WDFY3: variants seen among roughly 807,000 people sequenced by gnomAD.
WDFY3 encodes WD repeat and FYVE domain-containing protein 3.
Under a neutral mutation model 409.6 loss-of-function variants are expected in WDFY3, and 66 were observed. That is an observed-to-expected ratio of 0.16 (90% CI 0.13 to 0.20). The LOEUF (loss-of-function observed/expected upper bound fraction) is 0.20. Among genes scored for constraint, WDFY3 ranks in the 10% least tolerant of loss-of-function variants. The pLI, the probability that WDFY3 is intolerant of heterozygous loss-of-function variation, is 1.00. For synonymous variants in WDFY3, 1,521 were observed against 1,537.1 expected (o/e 0.99, Z 0.25); for missense variants, 3,031 against 4,298.1 (o/e 0.71, Z 8.24).
At chr4:84,689,041 C>T (rs1157394679) in intron 61 of WDFY3, among the ~76,000 whole-genome samples, 3 of 152,256 alleles carry the variant, frequency 2.0e-5, no homozygotes, top group East Asian at 1.9e-4. Flanking sequence ...AAAATATATC[C>T]GCTTAATAAT....
chr4:84,793,362 T>C (rs1433663004), intron 21 of WDFY3, among the ~76,000 whole-genome samples: 2 of 152,196 alleles, frequency 1.3e-5, no homozygotes, highest in East Asian at 1.9e-4. Context: ...TGGAATACTG[T>C]TCATATGGAG....
At chr4:84,887,544 T>C (rs147933276) in intron 3 of WDFY3, among the ~76,000 whole-genome samples, 64 of 152,332 alleles carry the variant, frequency 4.2e-4, no homozygotes, top group African/African-American at 1.4e-3. Flanking sequence ...ATTTCCTGCC[T>C]CTATGTCAGT....
intron 4 of WDFY3, among the ~76,000 whole-genome samples, chr4:84,853,564 G>T (rs1427085997): frequency 6.6e-6 from 1 of 152,096 alleles, no homozygotes; most frequent in Non-Finnish European, 1.5e-5. Context: ...TTAGTATGAG[G>T]TATTTTATTG....
intron 36 of WDFY3, among the ~76,000 whole-genome samples, chr4:84,744,920 A>G (rs1739145860): frequency 6.6e-6 from 1 of 151,804 alleles, no homozygotes; most frequent in Non-Finnish European, 1.5e-5. Flanking sequence ...GTCAGCAAAG[A>G]CATATGTTTT....
intron 22 of WDFY3, 24 bp downstream of exon 22, chr4:84,789,702 A>G: frequency 6.2e-7 from 1 of 1,612,180 alleles, no homozygotes; most frequent in Non-Finnish European, 8.5e-7. Context: ...AAACAGGTAG[A>G]TTTACAAGTG....
chr4:84,712,933 C>A (rs1416793653), intron 51 of WDFY3, among the ~76,000 whole-genome samples: 1 of 152,146 alleles, frequency 6.6e-6, no homozygotes, highest in Non-Finnish European at 1.5e-5. Context: ...CAGCAATACT[C>A]ATGCTTTAAA....
At chr4:84,758,846 T>C (rs1300609766) in intron 32 of WDFY3, among the ~76,000 whole-genome samples, 1 of 152,156 alleles carries the variant, frequency 6.6e-6, no homozygotes, top group Non-Finnish European at 1.5e-5. Flanking sequence ...TTGTTCAAAG[T>C]CACAATGTGT....
At position 84,680,360 on chromosome 4, in the gene WDFY3, G is replaced by A. The variant is rs144028802; in HGVS notation, c.9824-1118C>T. Among the ~76,000 whole-genome samples the A allele has an allele frequency of 4.1e-3, 622 of 152,250 alleles. 4 individuals are homozygous for A. The highest frequency in any genetic ancestry group is 0.014 in the African/African-American group (583 of 41,530). On this transcript the variant is annotated intron_variant, in intron 64 of 67. Transcript: ENST00000295888. The stretch of plus-strand genomic sequence containing the variant: ...GCTGGAGTGTAGTGGAGCGATCATA[G>A]CTCACTGCAGCCTCAACCTCCTGAG...
chr4:84,808,225 C>A (rs1043416338), intron 15 of WDFY3, 109 bp downstream of exon 15: 103 of 918,726 alleles, frequency 1.1e-4, no homozygotes, highest in Middle Eastern at 3.1e-4. Context: ...CAAAACAAAA[C>A]AAAAAAAAAC....
At position 84,783,065 on chromosome 4, in the gene WDFY3, A is replaced by G; in HGVS notation, c.4072T>C (p.Ser1358Pro). ...SKAIAKQLGISSHENATPVKL... is the reference protein window; with the variant it reads ...SKAIAKQLGIPSHENATPVKL... ...ACAGGAGTGGCATTCTCATGTGAGG[A>G]AATGCCTAACTGAAAAATAGGAAAG... The change falls in exon 25 of 68, where the codon TCC becomes CCC. Residue 1358 changes from serine (S) to proline (P), a missense_variant. Transcript: ENST00000295888. The G allele has an allele frequency of 6.2e-7, 1 of 1,613,100 alleles. No homozygotes were observed. The highest frequency in any genetic ancestry group is 8.5e-7 in the Non-Finnish European group (1 of 1,179,458).
intron 2 of WDFY3, among the ~76,000 whole-genome samples, chr4:84,900,144 C>G (rs1766158110): frequency 6.6e-6 from 1 of 152,128 alleles, no homozygotes; most frequent in Admixed American, 6.6e-5. Context: ...TCATTATGGC[C>G]AAAGAATGGA....
At chr4:84,718,866 T>C (rs1296592018) in intron 47 of WDFY3, among the ~76,000 whole-genome samples, 4 of 152,172 alleles carry the variant, frequency 2.6e-5, no homozygotes, top group South Asian at 2.1e-4. Flanking sequence ...ATAAGGCTCC[T>C]GCTCTCATGA....
rs568470015 is a variant in WDFY3 at position 84,679,377 on chromosome 4, G to A, written c.9824-135C>T. ...ATTTTAAGCTAAGTGTAACAAAAAA[G>A]AAAGTAAGTGCCAGGATTTTTGGCT... On this transcript the variant is annotated intron_variant, in intron 64 of 67. Transcript: ENST00000295888. 4.5e-6 allele frequency: 4 copies of A among 897,584 alleles called. No individual in the cohort carries two copies. In the African/African-American group the frequency reaches 6.9e-5, roughly 15 times the overall value. The allele number at this position is 897,584 out of a possible 1,614,324, so 55.6% of individuals were successfully genotyped here.
At chr4:84,768,210 A>T (rs760581943) in intron 30 of WDFY3, among the ~76,000 whole-genome samples, 1 of 152,256 alleles carries the variant, frequency 6.6e-6, no homozygotes, top group Non-Finnish European at 1.5e-5. Flanking sequence ...GCTGATGTAG[A>T]AGCTGCAGTA....
chr4:84,834,213 CTG>C (rs1340884260), intron 7 of WDFY3, among the ~76,000 whole-genome samples: 2 of 152,218 alleles, frequency 1.3e-5, no homozygotes, highest in Non-Finnish European at 2.9e-5. Context: ...AATCAAATCA[CTG>C]TTCTCAAACT....
intron 48 of WDFY3, among the ~76,000 whole-genome samples, chr4:84,718,040 A>G (rs1469927637): frequency 3.0e-5 from 4 of 132,814 alleles, no homozygotes; most frequent in Non-Finnish European, 6.2e-5. Context: ...CCGGGGTGAC[A>G]GAGTGAGACA....
At chr4:84,746,864 T>A (rs1739541065) in intron 36 of WDFY3, among the ~76,000 whole-genome samples, 1 of 151,848 alleles carries the variant, frequency 6.6e-6, no homozygotes, top group Non-Finnish European at 1.5e-5. Context: ...TTAGAGAGAG[T>A]AAGTCACTTG....
chr4:84,847,790 C>CAAAAAAAAAAAAAAAAAAAA (rs78361102), intron 5 of WDFY3, among the ~76,000 whole-genome samples: 1 of 82,840 alleles, frequency 1.2e-5, no homozygotes, highest in African/African-American at 4.4e-5. Context: ...AAAAAAAAAC[C>CAAAAAAAAAAAAAAAAAAAA]AAAAAAAAAA....
chr4:84,749,351 A>G (rs1437519925), intron 36 of WDFY3, among the ~76,000 whole-genome samples: 1 of 152,192 alleles, frequency 6.6e-6, no homozygotes, highest in East Asian at 1.9e-4. Flanking sequence ...TGTATATTAA[A>G]GATACTCAAA....
Sources: allele counts gnomAD v4.1 joint callset (sites outside exome capture counted in the v4.1 genomes callset), GRCh38; gene constraint gnomAD v4.1.1; transcripts MANE v1.5; gene names NCBI Gene and HGNC (gene_info 2026-07-23, HGNC 2026-07-21).